SKAP1: variants seen among roughly 807,000 people sequenced by gnomAD.
The protein encoded by SKAP1 is src kinase-associated phosphoprotein 1.
A neutral mutation model predicts 58.5 loss-of-function variants in SKAP1; 44 were observed. That is an observed-to-expected ratio of 0.75 (90% CI 0.59 to 0.97). SKAP1 has a LOEUF of 0.97. SKAP1 is among the 50% of genes least tolerant of loss of function. The probability of loss-of-function intolerance (pLI) is 0.00; values close to 1 mark genes in which losing one functional copy is unlikely to be tolerated. For missense variants in SKAP1, 390 were observed against 435.2 expected (o/e 0.90, Z 0.92); for synonymous variants, 127 against 149.7 (o/e 0.85, Z 1.11).
chr17:48,188,514 T>C (rs2064489692), intron 5 of SKAP1, among the ~76,000 whole-genome samples: 1 of 151,106 alleles, frequency 6.6e-6, no homozygotes. Context: ...AAGTGAGACC[T>C]TGTCTCTATA....
intron 4 of SKAP1, among the ~76,000 whole-genome samples, chr17:48,264,772 A>ACG (rs2065523974): frequency 6.6e-6 from 1 of 151,578 alleles, no homozygotes; most frequent in South Asian, 2.1e-4. Flanking sequence ...ACACACACAC[A>ACG]CACACACACA....
intron 4 of SKAP1, among the ~76,000 whole-genome samples, chr17:48,205,099 TC>T (rs1429617089): frequency 6.6e-6 from 1 of 150,452 alleles, no homozygotes; most frequent in Non-Finnish European, 1.5e-5. Flanking sequence ...TCTCTCTCTC[TC>T]TCTCTCTCTC....
chr17:48,242,558 C>T (rs1567835084), intron 4 of SKAP1, among the ~76,000 whole-genome samples: 1 of 152,080 alleles, frequency 6.6e-6, no homozygotes. Flanking sequence ...AACATGAAAC[C>T]CATTAACAAT....
intron 4 of SKAP1, among the ~76,000 whole-genome samples, chr17:48,298,834 G>A (rs972404137): frequency 3.3e-5 from 5 of 152,122 alleles, no homozygotes; most frequent in Non-Finnish European, 5.9e-5. Context: ...TGGGTAGGAG[G>A]GATGCAGCAT....
chr17:48,142,467 AAAAAC>A (rs768992830), intron 11 of SKAP1, among the ~76,000 whole-genome samples: 5 of 152,206 alleles, frequency 3.3e-5, no homozygotes, highest in Non-Finnish European at 4.4e-5. Context: ...CATCTCAAAT[AAAAAC>A]AAAACAAAAC....
In SKAP1 at chr17:48,328,695, GTCA is replaced by G. The variant is rs1195233706; in HGVS notation, c.280+17207_280+17209del. Among the ~76,000 whole-genome samples, 18 of 152,138 alleles carry G rather than the reference GTCA, an allele frequency of 1.2e-4. No homozygotes were observed. In the Middle Eastern group the frequency reaches 0.014, roughly 115 times the overall value. ...GCTCTTCTTCAAAGCACTTTGCCAG[GTCA>G]CTTCCTTTCTTCCACTCCACATCCT... On this transcript the variant is annotated intron_variant, in intron 4 of 12. Transcript: ENST00000336915.
intron 3 of SKAP1, among the ~76,000 whole-genome samples, chr17:48,350,415 G>A (rs188708897): frequency 6.6e-6 from 1 of 152,342 alleles, no homozygotes; most frequent in East Asian, 1.9e-4. Context: ...AAGGTTTGCA[G>A]CCGGGCGTGG....
At chr17:48,212,944 G>A (rs768974419) in intron 4 of SKAP1, among the ~76,000 whole-genome samples, 2 of 152,178 alleles carry the variant, frequency 1.3e-5, no homozygotes, top group African/African-American at 2.4e-5. Flanking sequence ...TCTGTTCCAT[G>A]TCTAGTTGAC....
intron 11 of SKAP1, among the ~76,000 whole-genome samples, chr17:48,138,499 A>T (rs1292223493): frequency 1.3e-5 from 2 of 151,438 alleles, no homozygotes; most frequent in African/African-American, 4.9e-5. Flanking sequence ...CCTCCCGATT[A>T]GCTGGGATTA....
intron 11 of SKAP1, among the ~76,000 whole-genome samples, chr17:48,154,586 T>C (rs1487386208): frequency 6.6e-6 from 1 of 152,188 alleles, no homozygotes; most frequent in African/African-American, 2.4e-5. Flanking sequence ...GCCCAAGAGA[T>C]GTACACTGGC....
At chr17:48,244,318 G>T (rs2065272613) in intron 4 of SKAP1, among the ~76,000 whole-genome samples, 1 of 152,110 alleles carries the variant, frequency 6.6e-6, no homozygotes, top group Admixed American at 6.6e-5. Flanking sequence ...AAACAAAGGG[G>T]ACAACAGTGT....
At chr17:48,167,131 G>A (rs764948058) in intron 10 of SKAP1, among the ~76,000 whole-genome samples, 1 of 152,144 alleles carries the variant, frequency 6.6e-6, no homozygotes, top group South Asian at 2.1e-4. Context: ...CTCCCAAAGT[G>A]CTGGAATTAC....
intron 10 of SKAP1, 69 bp from the exon 11 acceptor site, chr17:48,162,638 G>T: frequency 1.7e-6 from 2 of 1,193,370 alleles, no homozygotes; most frequent in Non-Finnish European, 2.4e-6. Flanking sequence ...TGTTTTTGCT[G>T]CAAATGGAAA....
intron 4 of SKAP1, among the ~76,000 whole-genome samples, chr17:48,264,782 A>ACACACACACC (rs1555609823): frequency 1.2e-4 from 17 of 147,086 alleles, no homozygotes; most frequent in East Asian, 2.0e-4. Flanking sequence ...ACACACACAC[A>ACACACACACC]CCCTCCATCT....
upstream of SKAP1, among the ~76,000 whole-genome samples, chr17:48,431,317 A>G (rs917543888): frequency 6.6e-6 from 1 of 152,224 alleles, no homozygotes; most frequent in African/African-American, 2.4e-5. Context: ...CTCTTAAAAA[A>G]GAAAGAAAAT....
the SKAP1 span, among the ~76,000 whole-genome samples, chr17:48,435,526 G>T: frequency 6.6e-6 from 1 of 152,208 alleles, no homozygotes; most frequent in East Asian, 1.9e-4. Flanking sequence ...TATATTTTCA[G>T]ACATAACTTT....
In SKAP1 at chr17:48,162,455, C is replaced by T; in HGVS notation, c.978+14G>A. On this transcript the variant is annotated intron_variant, in intron 11 of 12. Coordinates refer to ENST00000336915, the MANE Select transcript of SKAP1 (RefSeq NM_003726.4). ...ATTGACTTTCTATTTAAGCCCCACA[C>T]TTTCTGTCCTTACCTTGCTCAGAAT... 1.3e-6 allele frequency: 2 copies of T among 1,594,008 alleles called. No individual in the cohort carries two copies. The highest frequency in any genetic ancestry group is 1.7e-6 in the Non-Finnish European group (2 of 1,164,036).
At chr17:48,138,822 T>C (rs2063734498) in intron 11 of SKAP1, among the ~76,000 whole-genome samples, 1 of 150,902 alleles carries the variant, frequency 6.6e-6, no homozygotes, top group African/African-American at 2.4e-5. Context: ...ACTCTGAGTA[T>C]GGGGCTATTT....
intron 4 of SKAP1, among the ~76,000 whole-genome samples, chr17:48,243,604 T>C (rs541951345): frequency 2.8e-4 from 43 of 152,256 alleles, no homozygotes; most frequent in African/African-American, 9.1e-4. Context: ...ATTGTGCTGA[T>C]TGTTTGAGCA....
Sources: gnomAD v4.1 joint callset for allele counts (sites outside exome capture counted in the v4.1 genomes callset) on GRCh38, gnomAD v4.1.1 for gene constraint, MANE v1.5 for transcripts, NCBI Gene and HGNC (gene_info 2026-07-23, HGNC 2026-07-21) for gene names.